ATXN10: variants seen among roughly 807,000 people sequenced by gnomAD.
ATXN10 encodes ataxin-10.
In ATXN10, 28 loss-of-function variants were observed where a neutral mutation model predicts 52.9. The observed-to-expected ratio is 0.53, with a 90% CI of 0.39 to 0.73. The LOEUF (loss-of-function observed/expected upper bound fraction) is 0.73, where lower values mean the gene tolerates loss of function less well. ATXN10 is among the 30% of genes least tolerant of loss of function. ATXN10 has a pLI of 0.00. For synonymous variants in ATXN10, 226 were observed against 221.5 expected (o/e 1.02, Z -0.18); for missense variants, 565 against 577.0 (o/e 0.98, Z 0.21).
chr22:45,672,022 TTCC>T lies in ATXN10; in HGVS notation c.-33_-31del, dbSNP rs896388036. On this transcript the variant is annotated 5_prime_UTR_variant, in exon 1 of 12. Transcript: ENST00000252934. ...ATCCTCCCCCTTCGTCCTCCTCGCC[TTCC>T]TCCTCCTCGTCAGGCTCGACCCAGC... is the stretch of plus-strand genomic sequence containing the variant. 149 of 1,523,944 alleles carry T rather than the reference TTCC, an allele frequency of 9.8e-5. No homozygotes were observed. Among genetic ancestry groups the T allele is most frequent in the Non-Finnish European group, 1.2e-4 (136 of 1,138,096 alleles). 94.4% of individuals were successfully genotyped at this position (1,523,944 alleles called of 1,614,324 possible).
At chr22:45,788,512 C>G (rs1469771653) in intron 9 of ATXN10, among the ~76,000 whole-genome samples, 1 of 151,760 alleles carries the variant, frequency 6.6e-6, no homozygotes, top group African/African-American at 2.4e-5. Context: ...CCTGCATCAC[C>G]TTTCATTCAG....
In ATXN10 at chr22:45,712,960, T is replaced by A. The variant is rs947008177; in HGVS notation, c.648-5453T>A. ...TCCATAGCACATTTAAATCAAAATT[T>A]GTTTATGAGGTATAAAAACATTTTC... On this transcript the variant is annotated intron_variant, in intron 5 of 11. Coordinates refer to ENST00000252934, the MANE Select transcript of ATXN10 (RefSeq NM_013236.4). This position sits in a 1 kb window ranked among gnomAD's most constrained non-coding sequence, Gnocchi z 4.6. Among the ~76,000 whole-genome samples, 30 of 152,210 alleles carry A rather than the reference T, an allele frequency of 2.0e-4. No homozygotes were observed. Among genetic ancestry groups the A allele is most frequent in the Admixed American group, 1.9e-3 (29 of 15,290 alleles).
In ATXN10 at chr22:45,768,284, G is replaced by A. The variant is rs140774653; in HGVS notation, c.1173+27746G>A. Among the ~76,000 whole-genome samples the A allele has an allele frequency of 4.0e-4, 61 of 152,076 alleles. No individual in the cohort carries two copies. The East Asian group carries it at 0.011, about 27-fold the overall frequency. On this transcript the variant is annotated intron_variant, in intron 9 of 11. Coordinates refer to ENST00000252934, the MANE Select transcript of ATXN10 (RefSeq NM_013236.4). ...GGGGAAGGTGGACCTCGGACATATA[G>A]ATGTACAAGAAAGTTGCCAAAGTCC...
intron 6 of ATXN10, among the ~76,000 whole-genome samples, chr22:45,725,664 C>T (rs1429185436): frequency 2.0e-5 from 3 of 152,032 alleles, no homozygotes; most frequent in Non-Finnish European, 2.9e-5. Flanking sequence ...GTTTATTTCT[C>T]TTCCCTGATT....
intron 9 of ATXN10, among the ~76,000 whole-genome samples, chr22:45,785,810 A>G (rs542928861): frequency 1.3e-5 from 2 of 152,346 alleles, no homozygotes; most frequent in East Asian, 3.9e-4. Context: ...ACCGTCCTGC[A>G]GGAGGGGTAT....
rs781075959 is a variant in ATXN10, at chr22:45,718,498, C to A, written c.728+5C>A. ...CAAACTGAACAATCAAGAAAGGTAACCCCCCAACCAGCGTGGTCTGGAGTA... is the reference window on the plus strand; with the variant it reads ...CAAACTGAACAATCAAGAAAGGTAAACCCCCAACCAGCGTGGTCTGGAGTA... On this transcript the variant is annotated splice_donor_5th_base_variant and intron_variant, in intron 6 of 11. Transcript: ENST00000252934. The surrounding 1 kb of genome is among the most constrained non-coding windows in gnomAD (Gnocchi z 4.4). 6.2e-7 allele frequency: 1 copy of A among 1,612,034 alleles called. No homozygotes were observed. The highest frequency in any genetic ancestry group is 1.1e-5 in the South Asian group (1 of 91,056).
chr22:45,699,600 C>T (rs371455720), intron 3 of ATXN10, among the ~76,000 whole-genome samples: 1 of 147,704 alleles, frequency 6.8e-6, no homozygotes, highest in East Asian at 2.0e-4. Context: ...AAGCAATTCT[C>T]CCTGCCTCAG....
rs890592016 is a variant in ATXN10 at position 45,789,196 on chromosome 22, A to C, written c.1174-17763A>C. Among the ~76,000 whole-genome samples the C allele has an allele frequency of 6.6e-6, 1 of 152,202 alleles. No individual in the cohort carries two copies. Among genetic ancestry groups the C allele is most frequent in the East Asian group, 1.9e-4 (1 of 5,194 alleles). ...TCTTTGGCCACTCTCAATCTCTAGT[A>C]GATCATCTTAATTATTTATTTTATA... On this transcript the variant is annotated intron_variant, in intron 9 of 11. Coordinates refer to ENST00000252934, the MANE Select transcript of ATXN10 (RefSeq NM_013236.4). This position sits in a 1 kb window ranked among gnomAD's most constrained non-coding sequence, Gnocchi z 4.0.
intron 3 of ATXN10, among the ~76,000 whole-genome samples, chr22:45,694,687 C>T (rs1923521290): frequency 1.3e-5 from 2 of 151,872 alleles, no homozygotes; most frequent in Admixed American, 1.3e-4. Flanking sequence ...GAGGCTGAGG[C>T]AGGAGAGTTG....
Position 45,701,149 on chromosome 22 carries a change from G to A in ATXN10, c.488+771G>A, listed in dbSNP as rs1923828347. On this transcript the variant is annotated intron_variant, in intron 4 of 11. Transcript: ENST00000252934. This position sits in a 1 kb window ranked among gnomAD's most constrained non-coding sequence, Gnocchi z 4.2. Reference sequence around the variant, plus strand: ...GACTTTGATGGTTGCAACAGTATAAGCAGCACAGCAGGGTAGCAGCTGTTG... The same window carrying A: ...GACTTTGATGGTTGCAACAGTATAAACAGCACAGCAGGGTAGCAGCTGTTG... Among the ~76,000 whole-genome samples, 1 of 152,214 alleles carries A rather than the reference G, an allele frequency of 6.6e-6. No individual in the cohort carries two copies. Among genetic ancestry groups the A allele is most frequent in the African/African-American group, 2.4e-5 (1 of 41,460 alleles).
Position 45,677,427 on chromosome 22 carries a change from A to G in ATXN10, c.116+5248A>G, listed in dbSNP as rs527568452. 1 of 150,360 alleles carries G rather than the reference A, an allele frequency of 6.7e-6. No homozygotes were observed. The highest frequency in any genetic ancestry group is 1.5e-5 in the Non-Finnish European group (1 of 67,696). 9.3% of individuals were successfully genotyped at this position (150,360 alleles called of 1,614,324 possible). A position where few individuals can be genotyped will look rare whatever the true frequency, so the allele number is the denominator to read the frequency against. ...TTTTCAGCTTCTATCAGTATAGCTC[A>G]TTTTTTCTCTTCAATCTGCTTAGAC... On this transcript the variant is annotated intron_variant, in intron 1 of 11. Transcript: ENST00000252934. The surrounding 1 kb of genome is among the most constrained non-coding windows in gnomAD (Gnocchi z 4.1).
Position 45,754,839 on chromosome 22 carries a change from A to G in ATXN10, c.1173+14301A>G, listed in dbSNP as rs1003880060. Among the ~76,000 whole-genome samples the G allele has an allele frequency of 1.3e-5, 2 of 152,238 alleles. No homozygotes were observed. Among genetic ancestry groups the G allele is most frequent in the Non-Finnish European group, 2.9e-5 (2 of 68,038 alleles). On this transcript the variant is annotated intron_variant, in intron 9 of 11. Coordinates refer to ENST00000252934, the MANE Select transcript of ATXN10 (RefSeq NM_013236.4). This position sits in a 1 kb window ranked among gnomAD's most constrained non-coding sequence, Gnocchi z 5.4. Reference sequence around the variant, plus strand: ...CACTGCACTCCAGCCTGGGCAACAGAGTGAGACTCTGTCTCAAAAAATGTC... The same window carrying G: ...CACTGCACTCCAGCCTGGGCAACAGGGTGAGACTCTGTCTCAAAAAATGTC...
At chr22:45,838,496 G>A (rs1287461527) in intron 10 of ATXN10, among the ~76,000 whole-genome samples, 1 of 152,230 alleles carries the variant, frequency 6.6e-6, no homozygotes, top group Non-Finnish European at 1.5e-5. Flanking sequence ...GGAAACGTTA[G>A]AAGCTCTCTT....
In ATXN10 at chr22:45,693,037, T is replaced by C. The variant is rs767715353; in HGVS notation, c.350T>C (p.Leu117Pro). 2 of 1,614,174 alleles carry C rather than the reference T, an allele frequency of 1.2e-6. No homozygotes were observed. The highest frequency in any genetic ancestry group is 1.7e-6 in the Non-Finnish European group (2 of 1,180,010). ...TIGVAVDLIL[L>P]FRELRVEQES... The stretch of plus-strand genomic sequence containing the variant: ...GGTGTTGCTGTTGATTTGATTCTTC[T>C]GTTTCGTGAACTGCGAGTGGAACAG... Residue 117 changes from leucine to proline, a missense_variant, in exon 3 of 12, where the codon CTG becomes CCG. Physicochemically the swap from Leu to Pro is moderately conservative, Grantham distance 98. Transcript: ENST00000252934.
chr22:45,712,033 A>G lies in ATXN10; in HGVS notation c.648-6380A>G, dbSNP rs980855003. The stretch of plus-strand genomic sequence containing the variant: ...GTTTCTTCTGTAAACATTGACTGGC[A>G]AGGGTATTGAGAAGTTTGGGAATTA... On this transcript the variant is annotated intron_variant, in intron 5 of 11. Coordinates refer to ENST00000252934, the MANE Select transcript of ATXN10 (RefSeq NM_013236.4). The surrounding 1 kb of genome is among the most constrained non-coding windows in gnomAD (Gnocchi z 4.6). Among the ~76,000 whole-genome samples the G allele has an allele frequency of 3.3e-5, 5 of 152,202 alleles. No individual in the cohort carries two copies. Among genetic ancestry groups the G allele is most frequent in the Admixed American group, 1.3e-4 (2 of 15,282 alleles).
chr22:45,800,137 T>C (rs1389024693), intron 9 of ATXN10, among the ~76,000 whole-genome samples: 1 of 152,198 alleles, frequency 6.6e-6, no homozygotes, highest in Non-Finnish European at 1.5e-5. Flanking sequence ...ATCTCATCTA[T>C]ATTAAAAAGT....
intron 9 of ATXN10, among the ~76,000 whole-genome samples, chr22:45,800,668 C>T (rs539906522): frequency 9.2e-5 from 14 of 152,242 alleles, no homozygotes; most frequent in African/African-American, 2.4e-4. Flanking sequence ...CCATTCATTG[C>T]GGATAAAACT....
rs1362099158 is a variant in ATXN10, at chr22:45,828,471, A to G, written c.1238-14520A>G. Among the ~76,000 whole-genome samples the G allele has an allele frequency of 6.6e-6, 1 of 152,142 alleles. No individual in the cohort carries two copies. Among genetic ancestry groups the G allele is most frequent in the Non-Finnish European group, 1.5e-5 (1 of 68,026 alleles). ...TAATAGAGAAAATTATGAAAACAGA[A>G]GTTGCTTTTTTAAAGATCAACAAAA... is the stretch of plus-strand genomic sequence containing the variant. On this transcript the variant is annotated intron_variant, in intron 10 of 11. Coordinates refer to ENST00000252934, the MANE Select transcript of ATXN10 (RefSeq NM_013236.4). This position sits in a 1 kb window ranked among gnomAD's most constrained non-coding sequence, Gnocchi z 4.5.
At chr22:45,674,012 A>G (rs1922581564) in intron 1 of ATXN10, 1 of 152,104 alleles carries the variant, frequency 6.6e-6, no homozygotes, top group Admixed American at 6.5e-5. Context: ...GTTACAGAGA[A>G]CCATTGATGG....
Sources: allele counts gnomAD v4.1 joint callset (sites outside exome capture counted in the v4.1 genomes callset), GRCh38; gene constraint gnomAD v4.1.1; non-coding constraint Gnocchi (gnomAD v3.1); transcripts MANE v1.5; gene names NCBI Gene and HGNC (gene_info 2026-07-23, HGNC 2026-07-21).